Variants in PDE11A observed in about 807,000 individuals in gnomAD.
The protein encoded by PDE11A is phosphodiesterase 11A.
A neutral mutation model predicts 100.5 loss-of-function variants in PDE11A; 100 were observed. That is an observed-to-expected ratio of 1.00 (90% CI 0.85 to 1.18). The LOEUF is 1.18. Ranked by LOEUF, PDE11A falls within the 50% of genes most tolerant of loss-of-function variation. The probability of loss-of-function intolerance (pLI) is 0.00; values close to 1 mark genes in which losing one functional copy is unlikely to be tolerated. For missense variants in PDE11A, 1,141 were observed against 1,152.6 expected (o/e 0.99, Z 0.15); for synonymous variants, 381 against 420.8 (o/e 0.91, Z 1.16).
At chr2:177,705,867 A>C (rs568285995) in intron 13 of PDE11A, among the ~76,000 whole-genome samples, 1 of 152,336 alleles carries the variant, frequency 6.6e-6, no homozygotes, top group East Asian at 1.9e-4. Context: ...TGAGTATAAG[A>C]GATTATGCTA....
chr2:178,065,478 T>C (rs2105868573), intron 1 of PDE11A, among the ~76,000 whole-genome samples: 1 of 152,340 alleles, frequency 6.6e-6, no homozygotes, highest in Middle Eastern at 3.4e-3. Context: ...GTAGGAACTG[T>C]GCCTTTCTGT....
At chr2:178,035,712 G>C (rs1455789323) in intron 1 of PDE11A, among the ~76,000 whole-genome samples, 1 of 152,148 alleles carries the variant, frequency 6.6e-6, no homozygotes, top group Non-Finnish European at 1.5e-5. Context: ...GGGATGCAAG[G>C]CTGGTTCAAC....
chr2:177,659,808 T>C (rs2080447897), intron 19 of PDE11A, among the ~76,000 whole-genome samples: 1 of 152,076 alleles, frequency 6.6e-6, no homozygotes, highest in Non-Finnish European at 1.5e-5. Flanking sequence ...CCAAAGACGT[T>C]GAGCAGCAGG....
chr2:177,926,412 C>T (rs995431039), intron 2 of PDE11A, among the ~76,000 whole-genome samples: 5 of 152,142 alleles, frequency 3.3e-5, no homozygotes, highest in Non-Finnish European at 5.9e-5. Context: ...AATTCTATGT[C>T]TAAAAGAATC....
At chr2:177,751,534 G>C (rs754692205) in intron 10 of PDE11A, among the ~76,000 whole-genome samples, 40 of 152,186 alleles carry the variant, frequency 2.6e-4, no homozygotes, top group Non-Finnish European at 4.9e-4. Context: ...CAGTTTCCCT[G>C]GGAAGTGGGA....
intron 5 of PDE11A, among the ~76,000 whole-genome samples, chr2:177,855,994 T>A (rs939250120): frequency 1.3e-5 from 2 of 151,386 alleles, no homozygotes; most frequent in Non-Finnish European, 2.9e-5. Flanking sequence ...GGCTCTCACC[T>A]CTAGCAGATT....
chr2:178,051,613 T>G (rs183992812), intron 1 of PDE11A, among the ~76,000 whole-genome samples: 14 of 152,228 alleles, frequency 9.2e-5, no homozygotes, highest in African/African-American at 3.4e-4. Flanking sequence ...AGGAGACCTA[T>G]CTCATGTGCA....
intron 2 of PDE11A, among the ~76,000 whole-genome samples, chr2:177,941,179 T>G (rs1255860610): frequency 6.6e-6 from 1 of 152,214 alleles, no homozygotes; most frequent in Non-Finnish European, 1.5e-5. Context: ...ATCTTCTGAT[T>G]TAGGTATTAC....
intron 10 of PDE11A, among the ~76,000 whole-genome samples, chr2:177,762,371 G>A (rs2082182442): frequency 6.6e-6 from 1 of 152,154 alleles, no homozygotes; most frequent in African/African-American, 2.4e-5. Flanking sequence ...CACAGCTAGA[G>A]TTATCAATGG....
chr2:178,033,928 G>T lies in PDE11A; in HGVS notation c.913-19468C>A, dbSNP rs201655251. ...ATATGGAAAGGAAAAGCTGTTACCA[G>T]CCACTGCAAAAACACACCAAAATAT... On this transcript the variant is annotated intron_variant, in intron 1 of 19. Coordinates refer to ENST00000286063, the MANE Select transcript of PDE11A (RefSeq NM_016953.4). Among the ~76,000 whole-genome samples, 21 of 152,264 alleles carry T rather than the reference G, an allele frequency of 1.4e-4. No homozygotes were observed. The East Asian group carries it at 3.9e-3, about 28-fold the overall frequency.
chr2:177,775,378 G>C (rs1039441705), intron 9 of PDE11A, among the ~76,000 whole-genome samples: 3 of 152,022 alleles, frequency 2.0e-5, no homozygotes, highest in African/African-American at 7.2e-5. Context: ...CAGTCTCCTT[G>C]GTACACATCA....
intron 2 of PDE11A, among the ~76,000 whole-genome samples, chr2:177,965,750 T>C (rs947377766): frequency 2.6e-5 from 4 of 152,348 alleles, no homozygotes; most frequent in Admixed American, 2.6e-4. Flanking sequence ...CCATGCTGTT[T>C]TGGTTATGCA....
At chr2:177,657,919 G>C (rs1243942963) in intron 19 of PDE11A, among the ~76,000 whole-genome samples, 1 of 152,218 alleles carries the variant, frequency 6.6e-6, no homozygotes, top group Non-Finnish European at 1.5e-5. Context: ...CAGGGGGACT[G>C]AGGAAATGCC....
chr2:177,769,035 G>T (rs941342771), intron 10 of PDE11A, among the ~76,000 whole-genome samples: 3 of 151,988 alleles, frequency 2.0e-5, no homozygotes. Context: ...GCCAAAACCG[G>T]GTGTCCTGAT....
intron 2 of PDE11A, among the ~76,000 whole-genome samples, chr2:177,990,722 A>C (rs897926362): frequency 6.8e-6 from 1 of 147,702 alleles, no homozygotes; most frequent in African/African-American, 2.5e-5. Context: ...TGGGTGACAG[A>C]GCGAGACTCT....
intron 2 of PDE11A, among the ~76,000 whole-genome samples, chr2:177,955,016 G>A (rs1362443079): frequency 2.0e-5 from 3 of 152,162 alleles, no homozygotes; most frequent in Admixed American, 2.0e-4. Flanking sequence ...GACCAGTGGA[G>A]CATAATTCAA....
chr2:177,864,342 T>C (rs1263315469), intron 5 of PDE11A, among the ~76,000 whole-genome samples: 1 of 152,132 alleles, frequency 6.6e-6, no homozygotes, highest in Non-Finnish European at 1.5e-5. Flanking sequence ...AGGAGTACAA[T>C]TTAGCTGCTC....
At chr2:178,052,548 C>T (rs1473706297) in intron 1 of PDE11A, among the ~76,000 whole-genome samples, 6 of 152,136 alleles carry the variant, frequency 3.9e-5, no homozygotes, top group African/African-American at 1.4e-4. Context: ...ACACAAAAAA[C>T]CCTTCAAAAA....
chr2:177,732,359 A>T (rs1039101612), intron 10 of PDE11A, among the ~76,000 whole-genome samples: 4 of 152,238 alleles, frequency 2.6e-5, no homozygotes, highest in Non-Finnish European at 4.4e-5. Flanking sequence ...TCCAATTCAA[A>T]ATCAAATGTT....
Sources: allele counts gnomAD v4.1 joint callset (sites outside exome capture counted in the v4.1 genomes callset), GRCh38; gene constraint gnomAD v4.1.1; transcripts MANE v1.5; gene names NCBI Gene and HGNC (gene_info 2026-07-23, HGNC 2026-07-21).